Variants in PCDHA3 observed in about 807,000 individuals in gnomAD.
PCDHA3 encodes protocadherin alpha-3.
PCDHA3 carries 41 observed loss-of-function variants against 62.2 expected under a neutral mutation model. The observed-to-expected ratio is 0.66, with a 90% CI of 0.51 to 0.86. The LOEUF is 0.86. Ranked by LOEUF, PCDHA3 falls within the 40% of genes least tolerant of loss-of-function variation. PCDHA3 has a pLI of 0.00. For synonymous variants in PCDHA3, 640 were observed against 555.4 expected (o/e 1.15, Z -2.14); for missense variants, 1,304 against 1,241.2 (o/e 1.05, Z -0.76).
At chr5:140,815,211 C>T (rs1765676173) in intron 1 of PCDHA3, 1 of 152,062 alleles carries the variant, frequency 6.6e-6, no homozygotes, top group Non-Finnish European at 1.5e-5. Flanking sequence ...TAGGGCATAA[C>T]TTACTGTTGC....
chr5:141,010,074 G>T lies in PCDHA3; in HGVS notation c.*137G>T, dbSNP rs1444826216. The stretch of plus-strand genomic sequence containing the variant: ...CTCAGAAATCTGCAGAAAGTTCCCT[G>T]TGTCTGTCTAGAACGCATTTAACAG... On this transcript the variant is annotated 3_prime_UTR_variant, in exon 4 of 4. Coordinates refer to ENST00000522353, the MANE Select transcript of PCDHA3 (RefSeq NM_018906.3). 6.8e-6 allele frequency: 11 copies of T among 1,607,726 alleles called. No individual in the cohort carries two copies. Among genetic ancestry groups the T allele is most frequent in the Non-Finnish European group, 9.3e-6 (11 of 1,176,762 alleles).
chr5:140,980,294 A>G (rs1325974235), intron 2 of PCDHA3, among the ~76,000 whole-genome samples: 1 of 152,234 alleles, frequency 6.6e-6, no homozygotes, highest in Non-Finnish European at 1.5e-5. Context: ...TACCAAAGCT[A>G]TGAGTTGTGC....
At chr5:141,004,188 TA>T (rs1391411358) in intron 3 of PCDHA3, among the ~76,000 whole-genome samples, 5 of 152,260 alleles carry the variant, frequency 3.3e-5, no homozygotes, top group African/African-American at 1.2e-4. Flanking sequence ...TGAGTGCTCT[TA>T]ACCAAAAGGA....
rs2150363513 is a variant in PCDHA3 at position 140,843,612 on chromosome 5, C to T, written c.2394+40021C>T. The T allele has an allele frequency of 2.5e-6, 4 of 1,595,894 alleles. No individual in the cohort carries two copies. In the African/African-American group the frequency reaches 5.4e-5, roughly 21 times the overall value. On this transcript the variant is annotated intron_variant, in intron 1 of 3. Coordinates refer to ENST00000522353, the MANE Select transcript of PCDHA3 (RefSeq NM_018906.3). ...CAGAGGGTGTGCTCTGGTGAGGGGC[C>T]ACCGAAGACGGACCTCATGGCCTTC...
intron 1 of PCDHA3, chr5:140,824,423 T>C: frequency 2.0e-6 from 1 of 504,742 alleles, no homozygotes; most frequent in South Asian, 2.9e-5. Context: ...TTTGGAGTCA[T>C]TCTCAAAGTT....
chr5:141,007,256 G>A (rs1412168610), intron 3 of PCDHA3, among the ~76,000 whole-genome samples: 1 of 152,034 alleles, frequency 6.6e-6, no homozygotes, highest in Non-Finnish European at 1.5e-5. Flanking sequence ...CAAGTTAAAA[G>A]AAGCAGATAC....
intron 1 of PCDHA3, among the ~76,000 whole-genome samples, chr5:140,873,178 T>C (rs2054146585): frequency 6.6e-6 from 1 of 152,190 alleles, no homozygotes; most frequent in Non-Finnish European, 1.5e-5. Context: ...TTTTGTATCA[T>C]AATATTCATT....
Position 140,868,882 on chromosome 5 carries a change from T to A in PCDHA3, c.2394+65291T>A. On this transcript the variant is annotated intron_variant, in intron 1 of 3. Transcript: ENST00000522353. Reference sequence around the variant, plus strand: ...TAAATGCAGTGCACAGTACTCACAGTTTTAGGCGCAAGGTGTCGCTCTTTA... The same window carrying A: ...TAAATGCAGTGCACAGTACTCACAGATTTAGGCGCAAGGTGTCGCTCTTTA... 4 of 715,192 alleles carry A rather than the reference T, an allele frequency of 5.6e-6. No homozygotes were observed. In the South Asian group the frequency reaches 8.5e-5, roughly 15 times the overall value. 44.3% of individuals were successfully genotyped at this position (715,192 alleles called of 1,614,324 possible).
In PCDHA3 at chr5:140,955,830, T is replaced by G. The variant is rs564870909; in HGVS notation, c.2395-23119T>G. Among the ~76,000 whole-genome samples, 9 of 152,318 alleles carry G rather than the reference T, an allele frequency of 5.9e-5. No individual in the cohort carries two copies. The South Asian group carries it at 1.9e-3, about 32-fold the overall frequency. Reference sequence around the variant, plus strand: ...TGTCCACTGTGATTTCCTTGAGCAGTGGTTTGTCATTCTCCTTGAAGAGGT... The same window carrying G: ...TGTCCACTGTGATTTCCTTGAGCAGGGGTTTGTCATTCTCCTTGAAGAGGT... On this transcript the variant is annotated intron_variant, in intron 1 of 3. Coordinates refer to ENST00000522353, the MANE Select transcript of PCDHA3 (RefSeq NM_018906.3).
chr5:140,848,618 C>T lies in PCDHA3; in HGVS notation c.2394+45027C>T, dbSNP rs138258410. ...ACTCCGTCCCGGAGGAAGCCGAACA[C>T]GGCACCTTCGTGGGCCGCATCGCGC... is the stretch of plus-strand genomic sequence containing the variant. On this transcript the variant is annotated intron_variant, in intron 1 of 3. Transcript: ENST00000522353. The T allele has an allele frequency of 2.5e-3, 4,005 of 1,588,154 alleles. 452 individuals carry two copies. Among genetic ancestry groups the T allele is most frequent in the Middle Eastern group, 9.3e-3 (53 of 5,704 alleles).
intron 1 of PCDHA3, among the ~76,000 whole-genome samples, chr5:140,872,509 C>A (rs1554166234): frequency 6.6e-6 from 1 of 152,076 alleles, no homozygotes; most frequent in Non-Finnish European, 1.5e-5. Flanking sequence ...TGCCTGTAGT[C>A]CCAGTTTCTT....
chr5:140,873,079 T>TC (rs544069393), intron 1 of PCDHA3, among the ~76,000 whole-genome samples: 14 of 151,958 alleles, frequency 9.2e-5, no homozygotes, highest in African/African-American at 2.4e-4. Context: ...TCTAGCTATT[T>TC]CCCCCCCGTA....
At chr5:140,967,626 G>T in intron 1 of PCDHA3, 2 of 1,614,138 alleles carry the variant, frequency 1.2e-6, no homozygotes, top group Non-Finnish European at 1.7e-6. Flanking sequence ...CCGGATGAGG[G>T]CTCCAATGGT....
intron 1 of PCDHA3, among the ~76,000 whole-genome samples, chr5:140,888,562 G>C (rs781854673): frequency 9.2e-5 from 14 of 152,112 alleles, no homozygotes; most frequent in Non-Finnish European, 1.8e-4. Context: ...TCCTTTCAAG[G>C]CTTCATTTTA....
At chr5:140,827,484 G>A (rs1007754515) in intron 1 of PCDHA3, among the ~76,000 whole-genome samples, 37 of 152,134 alleles carry the variant, frequency 2.4e-4, no homozygotes, top group African/African-American at 8.5e-4. Flanking sequence ...AACAAAGAAA[G>A]CATGGACTTC....
intron 1 of PCDHA3, chr5:140,842,088 A>T: frequency 6.2e-7 from 1 of 1,613,938 alleles, no homozygotes. Context: ...GAAAACGCAG[A>T]CAACGGAACA....
chr5:140,809,524 T>A (rs1764490216), intron 1 of PCDHA3: 1 of 1,614,024 alleles, frequency 6.2e-7, no homozygotes, highest in South Asian at 1.1e-5. Flanking sequence ...TACCTGACTC[T>A]AGGGACAGAG....
chr5:140,822,098 T>A (rs2150113663), intron 1 of PCDHA3: 1 of 1,614,214 alleles, frequency 6.2e-7, no homozygotes, highest in East Asian at 2.2e-5. Context: ...CTGGAGGTGA[T>A]CGTGGACAGG....
chr5:140,822,885 G>C (rs1554128940), intron 1 of PCDHA3: 45 of 1,614,086 alleles, frequency 2.8e-5, no homozygotes, highest in Non-Finnish European at 3.7e-5. Context: ...TCATTGCTCT[G>C]ATCAGCGTGT....
Sources: gnomAD v4.1 joint callset for allele counts (sites outside exome capture counted in the v4.1 genomes callset) on GRCh38, gnomAD v4.1.1 for gene constraint, MANE v1.5 for transcripts, NCBI Gene and HGNC (gene_info 2026-07-23, HGNC 2026-07-21) for gene names.